Variants in COL24A1 observed in about 807,000 individuals in gnomAD.
COL24A1 encodes the protein collagen alpha-1(XXIV) chain.
In COL24A1, 224 loss-of-function variants were observed where a neutral mutation model predicts 253.9. That is an observed-to-expected ratio of 0.88 (90% CI 0.79 to 0.99). COL24A1 has a LOEUF of 0.99. Ranked by LOEUF, COL24A1 falls within the 50% of genes least tolerant of loss-of-function variation. The probability of loss-of-function intolerance (pLI) is 0.00; values close to 1 mark genes in which losing one functional copy is unlikely to be tolerated. For missense variants in COL24A1, 2,131 were observed against 2,068.5 expected (o/e 1.03, Z -0.59); for synonymous variants, 685 against 673.7 (o/e 1.02, Z -0.26).
At chr1:86,024,728 T>A (rs1466338447) in intron 14 of COL24A1, among the ~76,000 whole-genome samples, 1 of 152,176 alleles carries the variant, frequency 6.6e-6, no homozygotes, top group East Asian at 1.9e-4. Context: ...TCAAAGTTCA[T>A]AGCTTTAAAA....
chr1:85,959,717 G>GTT (rs1168614927), intron 24 of COL24A1, among the ~76,000 whole-genome samples: 2 of 152,084 alleles, frequency 1.3e-5, no homozygotes, highest in East Asian at 3.8e-4. Flanking sequence ...TGCCAAGATA[G>GTT]TCTGTTTCCT....
intron 56 of COL24A1, among the ~76,000 whole-genome samples, chr1:85,745,061 C>T (rs768454954): frequency 2.0e-5 from 3 of 151,758 alleles, no homozygotes; most frequent in Admixed American, 6.6e-5. Context: ...ATAAGAATTG[C>T]TATGTCTACT....
intron 25 of COL24A1, among the ~76,000 whole-genome samples, chr1:85,910,526 A>AT (rs1397482453): frequency 6.6e-6 from 1 of 152,012 alleles, no homozygotes. Flanking sequence ...TCACATTAAA[A>AT]TTCTCAAGAG....
intron 32 of COL24A1, among the ~76,000 whole-genome samples, chr1:85,885,143 T>C (rs1682326141): frequency 6.6e-6 from 1 of 152,094 alleles, no homozygotes; most frequent in African/African-American, 2.4e-5. Flanking sequence ...TTTTTCTTGT[T>C]TTGAGGATGG....
At chr1:85,951,136 T>C (rs572451645) in intron 24 of COL24A1, among the ~76,000 whole-genome samples, 4 of 152,334 alleles carry the variant, frequency 2.6e-5, no homozygotes, top group Admixed American at 6.5e-5. Flanking sequence ...ATTTTAAAAA[T>C]TACCTTTCAT....
chr1:86,132,756 T>C lies in COL24A1; in HGVS notation c.122-6542A>G, dbSNP rs889542949. On this transcript the variant is annotated intron_variant, in intron 2 of 59. Coordinates refer to ENST00000370571, the MANE Select transcript of COL24A1 (RefSeq NM_152890.7). ...GTTTTGGTACCAGTACCATGCTGTT[T>C]TGGTTACTGTAGCTTTGTGGTATAG... is the stretch of plus-strand genomic sequence containing the variant. 1.4e-4 allele frequency among the ~76,000 whole-genome samples: 21 copies of C among 152,200 alleles called. 1 individual carries two copies. The highest frequency in any genetic ancestry group is 1.2e-3 in the Admixed American group (19 of 15,280).
chr1:86,102,771 C>T (rs1704580528), intron 5 of COL24A1, among the ~76,000 whole-genome samples: 1 of 152,138 alleles, frequency 6.6e-6, no homozygotes, highest in Non-Finnish European at 1.5e-5. Flanking sequence ...AATTCTTTTG[C>T]ATTTGCTGAG....
chr1:85,824,291 G>A (rs1018414542), intron 43 of COL24A1, among the ~76,000 whole-genome samples: 2 of 152,162 alleles, frequency 1.3e-5, no homozygotes, highest in Non-Finnish European at 2.9e-5. Flanking sequence ...AGCCTCTAGA[G>A]GGAGCGTGGC....
intron 35 of COL24A1, among the ~76,000 whole-genome samples, chr1:85,872,499 A>G (rs1302817247): frequency 1.3e-5 from 2 of 152,154 alleles, no homozygotes; most frequent in Non-Finnish European, 2.9e-5. Flanking sequence ...GATATATACC[A>G]ATGGAACAGA....
chr1:85,839,846 C>G (rs191728079), intron 42 of COL24A1, among the ~76,000 whole-genome samples: 4 of 152,080 alleles, frequency 2.6e-5, no homozygotes, highest in African/African-American at 9.7e-5. Flanking sequence ...CTGAATATTT[C>G]TAATAGAAAA....
intron 7 of COL24A1, among the ~76,000 whole-genome samples, chr1:86,078,127 G>A (rs1312574933): frequency 6.6e-6 from 1 of 152,078 alleles, no homozygotes; most frequent in East Asian, 1.9e-4. Flanking sequence ...TTATCTCAGG[G>A]ATGCAAGGAT....
At chr1:86,112,472 C>T (rs1030112183) in intron 5 of COL24A1, 95 bp downstream of exon 5, 1 of 1,088,652 alleles carries the variant, frequency 9.2e-7, no homozygotes, top group African/African-American at 1.6e-5. Flanking sequence ...CTTGATGTAT[C>T]AAGACTTGCC....
rs181886478 is a variant in COL24A1 at position 85,776,029 on chromosome 1, A to G, written c.4339-320T>C. On this transcript the variant is annotated intron_variant, in intron 52 of 59. Coordinates refer to ENST00000370571, the MANE Select transcript of COL24A1 (RefSeq NM_152890.7). ...CATATACAAAGCAATTTAAAAAGGA[A>G]ATTCTAAATTCAGGTTAAATTCTTC... 7.2e-5 allele frequency among the ~76,000 whole-genome samples: 11 copies of G among 152,286 alleles called. No individual in the cohort carries two copies. The East Asian group carries it at 1.9e-3, about 27-fold the overall frequency.
Position 85,908,600 on chromosome 1 carries a change from G to A in COL24A1, c.2722C>T (p.Pro908Ser), listed in dbSNP as rs1685067719. The A allele has an allele frequency of 1.4e-6, 2 of 1,468,018 alleles. No individual in the cohort carries two copies. The highest frequency in any genetic ancestry group is 2.9e-5 in the African/African-American group (2 of 69,068). 90.9% of individuals were successfully genotyped at this position (1,468,018 alleles called of 1,614,324 possible). ...CATAAAGTCTTTCCTGTACTTACAGGTAATCCCAATGGACCGATAGGTCCT... is the reference window on the plus strand; with the variant it reads ...CATAAAGTCTTTCCTGTACTTACAGATAATCCCAATGGACCGATAGGTCCT... Reference protein sequence around the residue: ...VPGPIGPLGLPGHVGARGPPG... With the variant: ...VPGPIGPLGLSGHVGARGPPG... Residue 908 changes from proline to serine, a missense_variant and splice_region_variant, in exon 27 of 60, where the codon CCT becomes TCT. Pro to Ser is a moderately conservative substitution (Grantham distance 74). Transcript: ENST00000370571.
At chr1:85,873,206 G>A (rs1468249273) in intron 35 of COL24A1, among the ~76,000 whole-genome samples, 1 of 152,216 alleles carries the variant, frequency 6.6e-6, no homozygotes, top group African/African-American at 2.4e-5. Flanking sequence ...AGAGGAGGAT[G>A]TGTAGAAATA....
chr1:85,852,863 G>A (rs1269211383), intron 37 of COL24A1, among the ~76,000 whole-genome samples: 2 of 151,938 alleles, frequency 1.3e-5, no homozygotes, highest in Non-Finnish European at 2.9e-5. Flanking sequence ...TTGCCCAGGC[G>A]GGACTTGAAC....
chr1:85,910,567 C>G (rs968557648), intron 25 of COL24A1, among the ~76,000 whole-genome samples: 13 of 151,846 alleles, frequency 8.6e-5, no homozygotes, highest in African/African-American at 2.7e-4. Context: ...AGATTTAACT[C>G]AGCACAGAAA....
intron 52 of COL24A1, among the ~76,000 whole-genome samples, 179 bp from the exon 53 acceptor site, chr1:85,775,888 C>CA (rs1477040914): frequency 5.3e-5 from 8 of 152,008 alleles, no homozygotes; most frequent in Non-Finnish European, 2.9e-5. Context: ...GCAAAGCAAA[C>CA]AAAAAACCCT....
intron 19 of COL24A1, among the ~76,000 whole-genome samples, chr1:86,012,922 T>C (rs577852391): frequency 1.3e-5 from 2 of 152,158 alleles, no homozygotes; most frequent in Non-Finnish European, 2.9e-5. Flanking sequence ...TTTTCTGCCT[T>C]AGGTCTAGAC....
Sources: gnomAD v4.1 joint callset for allele counts (sites outside exome capture counted in the v4.1 genomes callset) on GRCh38, gnomAD v4.1.1 for gene constraint, MANE v1.5 for transcripts, NCBI Gene and HGNC (gene_info 2026-07-23, HGNC 2026-07-21) for gene names.